Variants in ITGA1 observed in about 807,000 individuals in gnomAD.
The protein encoded by ITGA1 is integrin alpha-1.
In ITGA1, 85 loss-of-function variants were observed where a neutral mutation model predicts 145.9. The ratio of observed to expected loss-of-function variants is 0.58; its 90% CI spans 0.49 to 0.70. The LOEUF is 0.70. Ranked by LOEUF, ITGA1 falls within the 30% of genes least tolerant of loss-of-function variation. The pLI is 0.00. For missense variants in ITGA1, 1,351 were observed against 1,418.7 expected, an observed-to-expected ratio of 0.95 and a Z score of 0.77; for synonymous variants, 520 against 495.3, an observed-to-expected ratio of 1.05 and a Z score of -0.66.
chr5:52,948,316 TTAAA>T (rs906211934), intron 28 of ITGA1, among the ~76,000 whole-genome samples: 1 of 152,184 alleles, frequency 6.6e-6, no homozygotes, highest in African/African-American at 2.4e-5. Context: ...TATTGTTTTG[TTAAA>T]TAGTTAAATT....
chr5:52,910,779 C>T (rs1750496556), intron 14 of ITGA1, among the ~76,000 whole-genome samples: 1 of 143,822 alleles, frequency 7.0e-6, no homozygotes. Context: ...TATATACACA[C>T]TATATATACA....
chr5:52,937,187 C>T (rs1289265033), intron 23 of ITGA1, among the ~76,000 whole-genome samples: 11 of 152,098 alleles, frequency 7.2e-5, no homozygotes, highest in Admixed American at 7.2e-4. Context: ...ATGATTATAG[C>T]TGATACATAC....
At position 52,893,615 on chromosome 5, in the gene ITGA1, G is replaced by A. The variant is rs1310368746; in HGVS notation, c.925-60G>A. On this transcript the variant is annotated intron_variant, in intron 8 of 28. Coordinates refer to ENST00000282588, the MANE Select transcript of ITGA1 (RefSeq NM_181501.2). Reference sequence around the variant, plus strand: ...TGTTGTTTACTGACAAAATGCTTGAGATCCTTTATTTAACACATAGAATTT... The same window carrying A: ...TGTTGTTTACTGACAAAATGCTTGAAATCCTTTATTTAACACATAGAATTT... The A allele has an allele frequency of 4.1e-6, 6 of 1,463,208 alleles. No individual in the cohort carries two copies. In the Admixed American group the frequency reaches 7.5e-5, roughly 18 times the overall value. The allele number at this position is 1,463,208 out of a possible 1,614,324, so 90.6% of individuals were successfully genotyped here. A position where few individuals can be genotyped will look rare whatever the true frequency, so the allele number is the denominator to read the frequency against.
At chr5:52,873,280 T>C (rs1393477101) in intron 6 of ITGA1, among the ~76,000 whole-genome samples, 1 of 152,178 alleles carries the variant, frequency 6.6e-6, no homozygotes, top group African/African-American at 2.4e-5. Flanking sequence ...CACCTAGCCC[T>C]ATTCCCCTCA....
At chr5:52,875,710 C>T (rs1459014802) in intron 6 of ITGA1, among the ~76,000 whole-genome samples, 2 of 152,172 alleles carry the variant, frequency 1.3e-5, no homozygotes, top group East Asian at 1.9e-4. Flanking sequence ...CCACATTTAA[C>T]CCGGTTGCAC....
intron 1 of ITGA1, chr5:52,825,217 T>C (rs1748941105): frequency 6.6e-6 from 1 of 152,238 alleles, no homozygotes. Flanking sequence ...AGGTATTTTG[T>C]GTCTGGCTTC....
chr5:52,913,689 T>C (rs1263064798), intron 14 of ITGA1, among the ~76,000 whole-genome samples: 3 of 152,214 alleles, frequency 2.0e-5, no homozygotes, highest in African/African-American at 7.2e-5. Context: ...TTCTAGCTTA[T>C]ATAATTTGAA....
rs1430075777 is a variant in ITGA1 at position 52,954,257 on chromosome 5, G to C, written c.*1806G>C. 6.6e-6 allele frequency: 1 copy of C among 152,078 alleles called. No homozygotes were observed. Among genetic ancestry groups the C allele is most frequent in the Admixed American group, 6.6e-5 (1 of 15,254 alleles). The allele number at this position is 152,078 out of a possible 1,614,324, so 9.4% of individuals were successfully genotyped here. ...AAACTCAGGGTTTCTCTTATTCAGA[G>C]TTACCATGTTGCACACCCCCAGTGC... is the stretch of plus-strand genomic sequence containing the variant. On this transcript the variant is annotated 3_prime_UTR_variant, in exon 29 of 29. Transcript: ENST00000282588.
chr5:52,802,570 A>G (rs1748511182), intron 1 of ITGA1: 1 of 152,176 alleles, frequency 6.6e-6, no homozygotes, highest in Non-Finnish European at 1.5e-5. Context: ...AGGCATCTTT[A>G]TTTTTAAAAT....
chr5:52,809,871 T>A (rs1434726333), intron 1 of ITGA1, among the ~76,000 whole-genome samples: 1 of 152,164 alleles, frequency 6.6e-6, no homozygotes, highest in African/African-American at 2.4e-5. Flanking sequence ...CTCTAAATGT[T>A]AAATATTTAC....
At chr5:52,838,852 T>G (rs1316952649) in intron 1 of ITGA1, among the ~76,000 whole-genome samples, 1 of 152,160 alleles carries the variant, frequency 6.6e-6, no homozygotes, top group Non-Finnish European at 1.5e-5. Flanking sequence ...ATCCCAGCAC[T>G]TCAGGAGGCC....
chr5:52,862,780 G>T lies in ITGA1; in HGVS notation c.295+1221G>T, dbSNP rs918248083. Among the ~76,000 whole-genome samples the T allele has an allele frequency of 1.1e-4, 17 of 152,098 alleles. 1 individual carries two copies. The highest frequency in any genetic ancestry group is 3.1e-4 in the African/African-American group (13 of 41,396). On this transcript the variant is annotated intron_variant, in intron 3 of 28. Transcript: ENST00000282588. ...AAAATTATCTAGAAATTAGAACCCTGTCAATGTTCTATACAATATTACATA... is the reference window on the plus strand; with the variant it reads ...AAAATTATCTAGAAATTAGAACCCTTTCAATGTTCTATACAATATTACATA...
At chr5:52,920,525 G>GTCT (rs1165833595) in intron 17 of ITGA1, 57 bp downstream of exon 17, 13 of 1,319,334 alleles carry the variant, frequency 9.9e-6, no homozygotes, top group Non-Finnish European at 1.0e-5. Context: ...CAGTAGAGAT[G>GTCT]TCTTATTTCA....
At chr5:52,811,015 G>T (rs185312868) in intron 1 of ITGA1, among the ~76,000 whole-genome samples, 1 of 152,136 alleles carries the variant, frequency 6.6e-6, no homozygotes, top group Non-Finnish European at 1.5e-5. Context: ...ATAAAGTAGC[G>T]CAACCAGCTT....
In ITGA1 at chr5:52,955,225, A is replaced by G. The variant is rs1239586369; in HGVS notation, c.*2774A>G. 6.6e-6 allele frequency: 1 copy of G among 151,766 alleles called. No homozygotes were observed. Among genetic ancestry groups the G allele is most frequent in the African/African-American group, 2.4e-5 (1 of 41,322 alleles). The allele number at this position is 151,766 out of a possible 1,614,324, so 9.4% of individuals were successfully genotyped here. ...TCCATGGTCCAAATATTCTCTCTCC[A>G]TTTTCAAACTACCAAAGTGACCCTA... On this transcript the variant is annotated 3_prime_UTR_variant, in exon 29 of 29. Transcript: ENST00000282588.
chr5:52,910,181 T>G lies in ITGA1; in HGVS notation c.1619T>G (p.Met540Arg). 1.9e-6 allele frequency: 3 copies of G among 1,604,104 alleles called. No individual in the cohort carries two copies. The highest frequency in any genetic ancestry group is 2.6e-6 in the Non-Finnish European group (3 of 1,171,724). ...ALNQTRFEYQ[M>R]SLEPIKQTCC... ...TTCCAGACAAGGTTTGAATATCAAA[T>G]GAGCCTGGAACCTATTAAGCAGACG... The change falls in exon 14 of 29, where the codon ATG becomes AGG. Residue 540 changes from methionine to arginine, a missense_variant. Met to Arg is a moderately conservative substitution (Grantham distance 91). Coordinates refer to ENST00000282588, the MANE Select transcript of ITGA1 (RefSeq NM_181501.2).
chr5:52,793,671 C>T (rs1748284863), intron 1 of ITGA1, among the ~76,000 whole-genome samples: 1 of 151,952 alleles, frequency 6.6e-6, no homozygotes, highest in East Asian at 1.9e-4. Context: ...TATGTGAACC[C>T]CATCTAGATA....
chr5:52,800,833 G>T (rs1024183492), intron 1 of ITGA1: 2 of 1,609,242 alleles, frequency 1.2e-6, no homozygotes, highest in East Asian at 2.2e-5. Context: ...GGAAGGCCTC[G>T]CCCATATCTG....
intron 14 of ITGA1, among the ~76,000 whole-genome samples, chr5:52,910,648 T>C (rs189529963): frequency 6.8e-6 from 1 of 147,972 alleles, no homozygotes; most frequent in Non-Finnish European, 1.5e-5. Flanking sequence ...ATAGTGTATA[T>C]ATAATGTGTA....
Sources: allele counts gnomAD v4.1 joint callset (sites outside exome capture counted in the v4.1 genomes callset), GRCh38; gene constraint gnomAD v4.1.1; transcripts MANE v1.5; gene names NCBI Gene and HGNC (gene_info 2026-07-23, HGNC 2026-07-21).